Variants in TSHZ2 observed in about 807,000 individuals in gnomAD.
The protein encoded by TSHZ2 is teashirt homolog 2.
In TSHZ2, 21 loss-of-function variants were observed where a neutral mutation model predicts 74.4. The ratio of observed to expected loss-of-function variants is 0.28; its 90% CI spans 0.20 to 0.41. The LOEUF (loss-of-function observed/expected upper bound fraction) is 0.41, where lower values mean the gene tolerates loss of function less well. Among genes scored for constraint, TSHZ2 ranks in the 10% least tolerant of loss-of-function variants. The pLI is 1.00. For missense variants in TSHZ2, 1,244 were observed against 1,293.5 expected, an observed-to-expected ratio of 0.96 and a Z score of 0.59; for synonymous variants, 540 against 515.3, an observed-to-expected ratio of 1.05 and a Z score of -0.65.
chr20:53,124,175 T>A (rs1986886023), intron 1 of TSHZ2, among the ~76,000 whole-genome samples: 2 of 152,146 alleles, frequency 1.3e-5, no homozygotes, highest in African/African-American at 4.8e-5. Flanking sequence ...AAAAATGCAT[T>A]TTATGTAATC....
rs370706974 is a variant in TSHZ2, at chr20:53,100,468, C to T, written c.40+127135C>T. Among the ~76,000 whole-genome samples the T allele has an allele frequency of 7.9e-4, 120 of 152,258 alleles. 2 individuals are homozygous for T. The South Asian group carries it at 0.024, about 30-fold the overall frequency. The stretch of plus-strand genomic sequence containing the variant: ...TTATTAAACTTTTCAATAATGGAGT[C>T]ACTTTAATGTTGGGAAATTCTACCA... On this transcript the variant is annotated intron_variant, in intron 1 of 2. Transcript: ENST00000371497.
chr20:53,129,876 G>C (rs1169737490), intron 1 of TSHZ2, among the ~76,000 whole-genome samples: 1 of 151,678 alleles, frequency 6.6e-6, no homozygotes, highest in Non-Finnish European at 1.5e-5. Context: ...TTCCTGATCT[G>C]ATTCACCAGG....
chr20:53,164,560 G>A (rs1988023289), intron 1 of TSHZ2, among the ~76,000 whole-genome samples: 1 of 152,178 alleles, frequency 6.6e-6, no homozygotes, highest in African/African-American at 2.4e-5. Flanking sequence ...GTCTACACTA[G>A]TAGCACTAGG....
At chr20:53,240,577 C>T (rs1446244672) in intron 1 of TSHZ2, among the ~76,000 whole-genome samples, 3 of 152,060 alleles carry the variant, frequency 2.0e-5, no homozygotes, top group Non-Finnish European at 4.4e-5. Flanking sequence ...GAACTCAGCC[C>T]ATGCCTAATA....
At chr20:53,065,360 G>C (rs1009555793) in intron 1 of TSHZ2, among the ~76,000 whole-genome samples, 3 of 152,160 alleles carry the variant, frequency 2.0e-5, no homozygotes, top group Non-Finnish European at 4.4e-5. Flanking sequence ...TCTGTCAAAA[G>C]GGAGCATGAT....
chr20:53,409,916 G>A (rs1047739448), intron 2 of TSHZ2, among the ~76,000 whole-genome samples: 1 of 135,606 alleles, frequency 7.4e-6, no homozygotes, highest in Admixed American at 8.5e-5. Flanking sequence ...GCGCTATCTC[G>A]GCTCACTGCA....
At position 53,255,937 on chromosome 20, in the gene TSHZ2, C is replaced by G; in HGVS notation, c.2479C>G (p.Arg827Gly). 1.2e-6 allele frequency: 2 copies of G among 1,614,154 alleles called. No homozygotes were observed. The highest frequency in any genetic ancestry group is 1.7e-6 in the Non-Finnish European group (2 of 1,180,018). The change falls in exon 2 of 3, where the codon CGC (arginine) becomes GGC (glycine). Residue 827 changes from arginine to glycine, a missense_variant. By Grantham distance (125) the Arg-to-Gly change is moderately radical. Transcript: ENST00000371497. This position sits in a 1 kb window ranked among gnomAD's most constrained non-coding sequence, Gnocchi z 4.1. ...PPMKLEMDVR[R>G]FEDVSSEVST... The stretch of plus-strand genomic sequence containing the variant: ...CATGAAGCTGGAAATGGATGTCAGG[C>G]GCTTTGAGGATGTCTCCAGTGAAGT...
chr20:53,083,183 T>A (rs1985588364), intron 1 of TSHZ2, among the ~76,000 whole-genome samples: 1 of 152,254 alleles, frequency 6.6e-6, no homozygotes, highest in Admixed American at 6.5e-5. Context: ...GAATTCTTTA[T>A]GTGTGTGCAT....
chr20:53,434,121 C>G (rs1006561933), intron 2 of TSHZ2, among the ~76,000 whole-genome samples: 1 of 152,142 alleles, frequency 6.6e-6, no homozygotes, highest in Admixed American at 6.5e-5. Flanking sequence ...TTTGCCTACT[C>G]GGCCTCCCAA....
chr20:53,440,739 T>C (rs1238271781), intron 2 of TSHZ2, among the ~76,000 whole-genome samples: 1 of 152,172 alleles, frequency 6.6e-6, no homozygotes, highest in Non-Finnish European at 1.5e-5. Context: ...TTGAATCAAA[T>C]TATTCTCACT....
rs533502748 is a variant in TSHZ2, at chr20:53,040,186, G to A, written c.40+66853G>A. Reference sequence around the variant, plus strand: ...GGTGGGGTAAAGCAATCAGCCCAGAGACGAGGCCTGTCTGACAAGGTGAGA... The same window carrying A: ...GGTGGGGTAAAGCAATCAGCCCAGAAACGAGGCCTGTCTGACAAGGTGAGA... On this transcript the variant is annotated intron_variant, in intron 1 of 2. Coordinates refer to ENST00000371497, the MANE Select transcript of TSHZ2 (RefSeq NM_173485.6). Among the ~76,000 whole-genome samples the A allele has an allele frequency of 8.5e-5, 13 of 152,338 alleles. No homozygotes were observed. In the South Asian group the frequency reaches 1.2e-3, roughly 15 times the overall value.
chr20:53,323,719 G>A (rs1979378552), intron 2 of TSHZ2, among the ~76,000 whole-genome samples: 1 of 151,568 alleles, frequency 6.6e-6, no homozygotes, highest in African/African-American at 2.4e-5. Context: ...GGGATTACAG[G>A]CGCACACCAC....
chr20:53,149,654 A>G (rs1401929141), intron 1 of TSHZ2, among the ~76,000 whole-genome samples: 1 of 152,192 alleles, frequency 6.6e-6, no homozygotes, highest in East Asian at 1.9e-4. Flanking sequence ...TCTTCTCATC[A>G]CATATTATGT....
intron 2 of TSHZ2, among the ~76,000 whole-genome samples, chr20:53,343,779 A>G (rs1318365185): frequency 6.6e-6 from 1 of 152,192 alleles, no homozygotes. Context: ...CCAGCTCATG[A>G]GTAATTTTCA....
intron 1 of TSHZ2, among the ~76,000 whole-genome samples, chr20:53,129,230 C>T (rs1029100191): frequency 9.2e-5 from 14 of 151,982 alleles, no homozygotes; most frequent in Non-Finnish European, 1.6e-4. Flanking sequence ...CAGTTATTTG[C>T]GCACCATTTT....
At chr20:53,433,690 G>A (rs1170134073) in intron 2 of TSHZ2, among the ~76,000 whole-genome samples, 2 of 151,854 alleles carry the variant, frequency 1.3e-5, no homozygotes, top group African/African-American at 2.4e-5. Flanking sequence ...ATCTGTCCCA[G>A]GGACTAATCC....
intron 2 of TSHZ2, among the ~76,000 whole-genome samples, chr20:53,375,366 A>G (rs998548915): frequency 2.6e-5 from 4 of 152,352 alleles, no homozygotes; most frequent in South Asian, 2.1e-4. Context: ...TACTTCTACA[A>G]ATCAAGGCGA....
chr20:53,258,439 C>G (rs1568840329), intron 2 of TSHZ2, among the ~76,000 whole-genome samples: 1 of 152,066 alleles, frequency 6.6e-6, no homozygotes, highest in African/African-American at 2.4e-5. Context: ...TGGGTTGAAA[C>G]CATGGTGAAG....
At chr20:53,136,066 G>A (rs1330997192) in intron 1 of TSHZ2, among the ~76,000 whole-genome samples, 1 of 152,186 alleles carries the variant, frequency 6.6e-6, no homozygotes, top group Non-Finnish European at 1.5e-5. Flanking sequence ...GCTGCATCTG[G>A]TGAGGGCCTT....
Sources: allele counts gnomAD v4.1 joint callset (sites outside exome capture counted in the v4.1 genomes callset), GRCh38; gene constraint gnomAD v4.1.1; non-coding constraint Gnocchi (gnomAD v3.1); transcripts MANE v1.5; gene names NCBI Gene and HGNC (gene_info 2026-07-23, HGNC 2026-07-21).